The following EMB variants were observed in gnomAD, a reference collection of about 807,000 sequenced individuals.
EMB encodes the protein embigin.
A neutral mutation model predicts 41.4 loss-of-function variants in EMB; 31 were observed. The observed-to-expected ratio is 0.75, with a 90% CI of 0.56 to 1.01. The LOEUF is 1.01. Among genes scored for constraint, EMB ranks in the 50% least tolerant of loss-of-function variants. The probability of loss-of-function intolerance (pLI) is 0.00; values close to 1 mark genes in which losing one functional copy is unlikely to be tolerated. For synonymous variants in EMB, 137 were observed against 140.4 expected, an observed-to-expected ratio of 0.98 and a Z score of 0.17; for missense variants, 379 against 388.3, an observed-to-expected ratio of 0.98 and a Z score of 0.20.
chr5:50,410,312 T>A (rs1280559624), intron 4 of EMB, among the ~76,000 whole-genome samples: 3 of 152,110 alleles, frequency 2.0e-5, no homozygotes, highest in Non-Finnish European at 2.9e-5. Context: ...TTTGGTTTAA[T>A]GATGGTAACA....
At chr5:50,428,983 C>A (rs540059042) in intron 1 of EMB, among the ~76,000 whole-genome samples, 81 of 152,076 alleles carry the variant, frequency 5.3e-4, no homozygotes, top group Non-Finnish European at 1.1e-3. Context: ...GCAACCTCAG[C>A]CTCCCCGGTT....
chr5:50,405,440 A>G (rs1579722175), intron 5 of EMB, among the ~76,000 whole-genome samples: 1 of 151,920 alleles, frequency 6.6e-6, no homozygotes, highest in Non-Finnish European at 1.5e-5. Context: ...TACACACAAA[A>G]TGTAATTTCT....
intron 6 of EMB, among the ~76,000 whole-genome samples, chr5:50,402,774 A>T (rs1304969453): frequency 4.7e-5 from 7 of 149,406 alleles, no homozygotes; most frequent in Non-Finnish European, 1.0e-4. Flanking sequence ...TGAAAGAAAA[A>T]TTGTTTCTTT....
intron 4 of EMB, among the ~76,000 whole-genome samples, chr5:50,410,102 A>C (rs1345894421): frequency 6.6e-6 from 1 of 152,074 alleles, no homozygotes; most frequent in Non-Finnish European, 1.5e-5. Context: ...TTTTAGGAAA[A>C]GTTACAACAA....
rs1190468712 is a variant in EMB, at chr5:50,412,599, C to T, written c.197-1216G>A. Among the ~76,000 whole-genome samples, 4 of 151,848 alleles carry T rather than the reference C, an allele frequency of 2.6e-5. No homozygotes were observed. The East Asian group carries it at 5.8e-4, about 22-fold the overall frequency. On this transcript the variant is annotated intron_variant, in intron 2 of 8. Transcript: ENST00000303221. ...CTGCCTTTCTCTCCTCCTCTCCTTA[C>T]CCTACTAAGATGGTGTATAAGCCCC...
chr5:50,414,286 G>A (rs1327689045), intron 2 of EMB, among the ~76,000 whole-genome samples: 1 of 152,018 alleles, frequency 6.6e-6, no homozygotes, highest in Non-Finnish European at 1.5e-5. Context: ...TAATTTGGGA[G>A]ACTGAGGTGT....
At chr5:50,437,470 C>T (rs576180458) in intron 1 of EMB, among the ~76,000 whole-genome samples, 1 of 152,148 alleles carries the variant, frequency 6.6e-6, no homozygotes, top group South Asian at 2.1e-4. Flanking sequence ...ATACTTTGTA[C>T]CCCATCAAAC....
At chr5:50,426,817 A>T (rs1013562310) in intron 2 of EMB, among the ~76,000 whole-genome samples, 2 of 151,992 alleles carry the variant, frequency 1.3e-5, no homozygotes, top group African/African-American at 2.4e-5. Flanking sequence ...TCTATGGTTC[A>T]TAAGGTAAAA....
At chr5:50,428,251 T>TAC in intron 1 of EMB, 24 bp from the exon 2 acceptor site, 1 of 1,521,454 alleles carries the variant, frequency 6.6e-7, no homozygotes, top group Non-Finnish European at 9.1e-7. Flanking sequence ...AACACATGAT[T>TAC]ACACACTCTT....
chr5:50,423,200 A>G (rs190746809), intron 2 of EMB, among the ~76,000 whole-genome samples: 127 of 152,280 alleles, frequency 8.3e-4, no homozygotes, highest in Middle Eastern at 3.4e-3. Flanking sequence ...ATGGACTAAT[A>G]GCACTAAAAC....
intron 1 of EMB, among the ~76,000 whole-genome samples, chr5:50,438,576 G>A (rs1345866651): frequency 6.6e-6 from 1 of 152,124 alleles, no homozygotes; most frequent in African/African-American, 2.4e-5. Context: ...TAGGTTAACA[G>A]ACAACCTGTG....
chr5:50,416,352 A>G (rs1007029590), intron 2 of EMB, among the ~76,000 whole-genome samples: 1 of 152,208 alleles, frequency 6.6e-6, no homozygotes, highest in African/African-American at 2.4e-5. Flanking sequence ...ATACCTGTCT[A>G]AATAATTTCT....
intron 2 of EMB, among the ~76,000 whole-genome samples, chr5:50,423,353 A>G (rs941130036): frequency 6.6e-6 from 1 of 152,206 alleles, no homozygotes; most frequent in African/African-American, 2.4e-5. Flanking sequence ...GGGTAATTCA[A>G]TGAGACTTGA....
chr5:50,424,114 A>T (rs1745569712), intron 2 of EMB, among the ~76,000 whole-genome samples: 1 of 152,174 alleles, frequency 6.6e-6, no homozygotes. Flanking sequence ...CAAACACAGG[A>T]AACCTAACAC....
At chr5:50,410,826 A>G (rs1745323377) in intron 4 of EMB, 51 bp downstream of exon 4, 1 of 1,114,764 alleles carries the variant, frequency 9.0e-7, no homozygotes, top group African/African-American at 1.6e-5. Context: ...TGAGAAATCT[A>G]AGAACATAAT....
At chr5:50,441,419 C>T (rs1188564516), upstream of EMB, 1 of 287,304 alleles carries the variant, frequency 3.5e-6, no homozygotes, top group Non-Finnish European at 6.4e-6. Context: ...GGTGCTACTT[C>T]CCGGCTGCAG....
chr5:50,435,273 T>C (rs1745785977), intron 1 of EMB, among the ~76,000 whole-genome samples: 2 of 152,148 alleles, frequency 1.3e-5, no homozygotes, highest in African/African-American at 4.8e-5. Context: ...ACAAAGGACA[T>C]TCCCCATACC....
chr5:50,438,400 G>A (rs976136501), intron 1 of EMB, among the ~76,000 whole-genome samples: 1 of 152,218 alleles, frequency 6.6e-6, no homozygotes, highest in African/African-American at 2.4e-5. Context: ...ACTCTGAGAT[G>A]AATTTTGAAA....
intron 2 of EMB, among the ~76,000 whole-genome samples, chr5:50,425,557 T>C (rs1275467789): frequency 6.6e-6 from 1 of 152,122 alleles, no homozygotes; most frequent in Non-Finnish European, 1.5e-5. Context: ...CCAAATACTA[T>C]GGACATTGGA....
Sources: gnomAD v4.1 joint callset for allele counts (sites outside exome capture counted in the v4.1 genomes callset) on GRCh38, gnomAD v4.1.1 for gene constraint, MANE v1.5 for transcripts, NCBI Gene and HGNC (gene_info 2026-07-23, HGNC 2026-07-21) for gene names.